The following RBM47 variants were observed in gnomAD, a reference collection of about 807,000 sequenced individuals.
RBM47 encodes the protein RNA-binding protein 47.
Under a neutral mutation model 47.1 loss-of-function variants are expected in RBM47, and 21 were observed. The ratio of observed to expected loss-of-function variants is 0.45; its 90% CI spans 0.32 to 0.64. The LOEUF is 0.64. Ranked by LOEUF, RBM47 falls within the 30% of genes least tolerant of loss-of-function variation. The pLI, the probability that RBM47 is intolerant of heterozygous loss-of-function variation, is 0.05. For synonymous variants in RBM47, 375 were observed against 361.7 expected, an observed-to-expected ratio of 1.04 and a Z score of -0.42; for missense variants, 708 against 870.9, an observed-to-expected ratio of 0.81 and a Z score of 2.35.
intron 2 of RBM47, among the ~76,000 whole-genome samples, chr4:40,519,795 G>A (rs1209018566): frequency 1.3e-5 from 2 of 149,198 alleles, no homozygotes; most frequent in Non-Finnish European, 3.0e-5. Flanking sequence ...TAAGCCTCCC[G>A]AGTAGATGGG....
chr4:40,530,198 A>G (rs1727255352), intron 2 of RBM47, among the ~76,000 whole-genome samples: 1 of 151,988 alleles, frequency 6.6e-6, no homozygotes, highest in South Asian at 2.1e-4. Flanking sequence ...GGCCTCTCAA[A>G]GTGCTGGGAT....
chr4:40,547,013 G>C (rs942310151), intron 1 of RBM47, among the ~76,000 whole-genome samples: 18 of 152,140 alleles, frequency 1.2e-4, no homozygotes, highest in African/African-American at 4.3e-4. Flanking sequence ...AGATCAAAGG[G>C]ACCAGAGTAG....
intron 2 of RBM47, among the ~76,000 whole-genome samples, chr4:40,535,783 C>G (rs187422217): frequency 2.5e-3 from 374 of 152,276 alleles, no homozygotes; most frequent in African/African-American, 8.4e-3. Flanking sequence ...TGGTCTTGAA[C>G]TCCTGACCTT....
chr4:40,486,850 C>T (rs1049432704), intron 2 of RBM47, among the ~76,000 whole-genome samples: 2 of 152,178 alleles, frequency 1.3e-5, no homozygotes, highest in African/African-American at 4.8e-5. Flanking sequence ...CATTCTATGT[C>T]TCTGGGTAAT....
intron 1 of RBM47, among the ~76,000 whole-genome samples, chr4:40,545,321 G>A (rs1322380852): frequency 2.7e-5 from 4 of 149,336 alleles, no homozygotes; most frequent in Non-Finnish European, 5.9e-5. Flanking sequence ...AAAGTGCTGG[G>A]ATTACAGGCG....
In RBM47 at chr4:40,536,537, A is replaced by G. The variant is rs115951265; in HGVS notation, c.-155+7885T>C. 3.9e-3 allele frequency among the ~76,000 whole-genome samples: 591 copies of G among 152,288 alleles called. 7 individuals are homozygous for G. Among genetic ancestry groups the G allele is most frequent in the African/African-American group, 0.014 (571 of 41,542 alleles). ...GACCTGTTATTCTGCCAAAAGACAC[A>G]TACACTTTGTTGATGCCCACAATTT... is the stretch of plus-strand genomic sequence containing the variant. On this transcript the variant is annotated intron_variant, in intron 2 of 6. Transcript: ENST00000295971.
intron 2 of RBM47, among the ~76,000 whole-genome samples, chr4:40,540,606 C>A (rs1465825145): frequency 6.8e-6 from 1 of 147,212 alleles, no homozygotes; most frequent in Non-Finnish European, 1.5e-5. Context: ...GCCATTGACT[C>A]CAGCCTAGGT....
intron 1 of RBM47, among the ~76,000 whole-genome samples, chr4:40,599,954 T>G (rs1735094892): frequency 6.6e-6 from 1 of 152,082 alleles, no homozygotes. Flanking sequence ...CACACTAATA[T>G]ACCCCTACAC....
chr4:40,541,013 G>A (rs929548967), intron 2 of RBM47, among the ~76,000 whole-genome samples: 2 of 151,874 alleles, frequency 1.3e-5, no homozygotes, highest in Admixed American at 6.6e-5. Flanking sequence ...ATCAAGCCAG[G>A]CACAGTGGGT....
At position 40,438,655 on chromosome 4, in the gene RBM47, C is replaced by T. The variant is rs568605513; in HGVS notation, c.239G>A (p.Arg80His). The T allele has an allele frequency of 2.7e-5, 44 of 1,612,412 alleles. No individual in the cohort carries two copies. Among genetic ancestry groups the T allele is most frequent in the Non-Finnish European group, 3.5e-5 (41 of 1,179,072 alleles). The change falls in exon 4 of 7, where the codon CGC becomes CAC. Residue 80 changes from arginine to histidine, a missense_variant. Arg to His is a conservative substitution (Grantham distance 29). Coordinates refer to ENST00000295971, the MANE Select transcript of RBM47 (RefSeq NM_001098634.2). ...CACCAGCTCGTCCTCGTACACGTCG[C>T]GCGGGATCTTGCCCACGAAGACCTC... ...GCEVFVGKIP[R>H]DVYEDELVPV...
intron 1 of RBM47, among the ~76,000 whole-genome samples, chr4:40,607,206 A>G (rs1034565927): frequency 1.3e-5 from 2 of 152,210 alleles, no homozygotes; most frequent in African/African-American, 4.8e-5. Flanking sequence ...AGATGCCACA[A>G]CATGGATGGA....
chr4:40,487,197 A>C (rs890002130), intron 2 of RBM47, among the ~76,000 whole-genome samples: 5 of 152,210 alleles, frequency 3.3e-5, no homozygotes, highest in African/African-American at 1.2e-4. Context: ...GAAAGCAACA[A>C]AAAAGACCCC....
At chr4:40,610,752 A>G (rs1578066980) in intron 1 of RBM47, among the ~76,000 whole-genome samples, 1 of 150,766 alleles carries the variant, frequency 6.6e-6, no homozygotes, top group African/African-American at 2.4e-5. Flanking sequence ...CCCAGGGGGG[A>G]GGTAATTGAA....
intron 2 of RBM47, chr4:40,542,733 C>G (rs1728669306): frequency 1.3e-5 from 2 of 152,122 alleles, no homozygotes; most frequent in African/African-American, 2.4e-5. Flanking sequence ...AGACAGGTCT[C>G]ATTATGTTGC....
In RBM47 at chr4:40,438,305, C is replaced by T; in HGVS notation, c.589G>A (p.Ala197Thr). 1 of 1,605,900 alleles carries T rather than the reference C, an allele frequency of 6.2e-7. No homozygotes were observed. Residue 197 changes from alanine (A) to threonine (T), a missense_variant, in exon 4 of 7, where the codon GCC becomes ACC. Coordinates refer to ENST00000295971, the MANE Select transcript of RBM47 (RefSeq NM_001098634.2). ...AADKMKNRGF[A>T]FVEYESHRAA... Reference sequence around the variant, plus strand: ...CGGTGGCTCTCGTACTCCACGAAGGCGAAGCCGCGGTTCTTCATCTTGTCG... The same window carrying T: ...CGGTGGCTCTCGTACTCCACGAAGGTGAAGCCGCGGTTCTTCATCTTGTCG...
At chr4:40,561,227 CT>C (rs1176318537) in intron 1 of RBM47, among the ~76,000 whole-genome samples, 16,602 of 113,542 alleles carry the variant, frequency 0.15, 647 homozygotes, top group East Asian at 0.17. Context: ...TTTCCATTGT[CT>C]TTTTTTTTTT....
At chr4:40,462,540 C>T (rs185554394) in intron 3 of RBM47, among the ~76,000 whole-genome samples, 221 of 152,210 alleles carry the variant, frequency 1.5e-3, no homozygotes, top group Non-Finnish European at 2.4e-3. Context: ...TTACAAAACA[C>T]TTGCTGAGCC....
chr4:40,484,319 G>A (rs965682381), intron 2 of RBM47, among the ~76,000 whole-genome samples: 2 of 152,006 alleles, frequency 1.3e-5, no homozygotes, highest in African/African-American at 2.4e-5. Flanking sequence ...TTGATAAAAC[G>A]AACCTATTTG....
At position 40,481,486 on chromosome 4, in the gene RBM47, A is replaced by ATTT. The variant is rs144775587; in HGVS notation, c.-154-14790_-154-14788dup. ...TATTATTATTATTATTATTATTATT[A>ATTT]TTTTTATTTTTATTTTTGAGATGTA... On this transcript the variant is annotated intron_variant, in intron 2 of 6. Coordinates refer to ENST00000295971, the MANE Select transcript of RBM47 (RefSeq NM_001098634.2). Among the ~76,000 whole-genome samples the ATTT allele has an allele frequency of 3.5e-3, 376 of 106,816 alleles. 2 individuals are homozygous for ATTT. The highest frequency in any genetic ancestry group is 7.3e-3 in the Admixed American group (75 of 10,280). 70.1% of individuals were successfully genotyped at this position (106,816 alleles called of 152,430 possible). A position where few individuals can be genotyped will look rare whatever the true frequency, so the allele number is the denominator to read the frequency against.
Sources: gnomAD v4.1 joint callset for allele counts (sites outside exome capture counted in the v4.1 genomes callset) on GRCh38, gnomAD v4.1.1 for gene constraint, MANE v1.5 for transcripts, NCBI Gene and HGNC (gene_info 2026-07-23, HGNC 2026-07-21) for gene names.